The following GSE1 variants were observed in gnomAD, a reference collection of about 807,000 sequenced individuals.
GSE1 encodes genetic suppressor element 1.
Under a neutral mutation model 112.6 loss-of-function variants are expected in GSE1, and 32 were observed. That is an observed-to-expected ratio of 0.28 (90% CI 0.21 to 0.38). The LOEUF is 0.38. GSE1 is among the 10% of genes least tolerant of loss of function. The pLI is 1.00. For synonymous variants in GSE1, 1,115 were observed against 735.6 expected, an observed-to-expected ratio of 1.52 and a Z score of -8.35; for missense variants, 2,348 against 1,699.2, an observed-to-expected ratio of 1.38 and a Z score of -6.71.
intron 2 of GSE1, among the ~76,000 whole-genome samples, chr16:85,638,855 G>T (rs796138151): frequency 6.6e-6 from 1 of 151,756 alleles, no homozygotes; most frequent in Non-Finnish European, 1.5e-5. Context: ...GTGTGGGTCC[G>T]CCATGGCTTC....
rs187810737 is a variant in GSE1, at chr16:85,472,416, G to T, written c.2464+114773G>T. 2.0e-5 allele frequency among the ~76,000 whole-genome samples: 3 copies of T among 152,086 alleles called. No homozygotes were observed. The South Asian group carries it at 6.2e-4, about 32-fold the overall frequency. On this transcript the variant is annotated intron_variant, in intron 2 of 2. Coordinates refer to the GSE1 transcript ENST00000637419. ...CGTGGTCCCTGCCTTCTCCTCCCGC[G>T]GCCTTCTTTCTGAGTGTCTGTCTTT...
chr16:85,456,310 G>A (rs1458883021), intron 2 of GSE1, among the ~76,000 whole-genome samples: 10 of 152,218 alleles, frequency 6.6e-5, no homozygotes, highest in Non-Finnish European at 1.2e-4. Flanking sequence ...GGGAGAGAGA[G>A]AGGGCATTCC....
rs1170540647 is a variant in GSE1, at chr16:85,404,292, C to G, written c.2464+46649C>G. On this transcript the variant is annotated intron_variant, in intron 2 of 2. Transcript: ENST00000637419. ...CCCCCAGATAATTCTCACTGTTACA[C>G]TCAGGCCCCCCGGATAATCCTCACT... 2.3e-5 allele frequency among the ~76,000 whole-genome samples: 2 copies of G among 86,600 alleles called. 1 individual carries two copies. The highest frequency in any genetic ancestry group is 1.9e-4 in the Admixed American group (2 of 10,508). The allele number at this position is 86,600 out of a possible 152,430, so 56.8% of individuals were successfully genotyped here. A position where few individuals can be genotyped will look rare whatever the true frequency, so the allele number is the denominator to read the frequency against.
At chr16:85,665,930 G>A (rs2052815265) in intron 12 of GSE1, 46 bp from the exon 13 acceptor site, 9 of 1,598,282 alleles carry the variant, frequency 5.6e-6, no homozygotes, top group African/African-American at 4.0e-5. Context: ...CACTCAGCCT[G>A]TTAACTTGCA....
intron 2 of GSE1, among the ~76,000 whole-genome samples, chr16:85,454,692 G>A (rs577327210): frequency 2.0e-5 from 3 of 152,350 alleles, no homozygotes; most frequent in South Asian, 4.1e-4. Flanking sequence ...CCTCCCAGCT[G>A]CTGGCGGTGC....
chr16:85,256,138 C>T (rs1030303619), intron 1 of GSE1, among the ~76,000 whole-genome samples: 8 of 149,802 alleles, frequency 5.3e-5, no homozygotes, highest in African/African-American at 1.5e-4. Context: ...TTAAATCATG[C>T]GGTGGGGAGG....
At chr16:85,312,207 G>A (rs982116833) in intron 1 of GSE1, among the ~76,000 whole-genome samples, 2 of 150,204 alleles carry the variant, frequency 1.3e-5, no homozygotes, top group Non-Finnish European at 3.0e-5. Flanking sequence ...CCTCTTGCGG[G>A]GGGGGGGGGG....
intron 2 of GSE1, among the ~76,000 whole-genome samples, chr16:85,488,101 T>C (rs1850637242): frequency 6.6e-6 from 1 of 152,162 alleles, no homozygotes; most frequent in Admixed American, 6.5e-5. Context: ...TGCAGGGCCA[T>C]GCTTCCCTCT....
chr16:85,171,828 C>G (rs1238558294), intron 1 of GSE1: 1 of 976,050 alleles, frequency 1.0e-6, no homozygotes, highest in Non-Finnish European at 1.2e-6. Flanking sequence ...GTTTTCATCT[C>G]ATCTTAGACG....
chr16:85,527,671 G>T (rs1489604336), intron 2 of GSE1, among the ~76,000 whole-genome samples: 1 of 152,274 alleles, frequency 6.6e-6, no homozygotes, highest in Admixed American at 6.5e-5. Context: ...AGCCCTGGCA[G>T]GGGAATGTGG....
chr16:85,606,811 A>C (rs2047722127), upstream of GSE1, among the ~76,000 whole-genome samples: 1 of 152,184 alleles, frequency 6.6e-6, no homozygotes, highest in South Asian at 2.1e-4. Flanking sequence ...GGCAAGGGGT[A>C]TGTGTGGGGG....
Position 85,644,307 on chromosome 16 carries a change from C to G in GSE1, c.227-4245C>G, listed in dbSNP as rs955499896. On this transcript the variant is annotated intron_variant, in intron 2 of 15. Transcript: ENST00000253458. The stretch of plus-strand genomic sequence containing the variant: ...TGAGCTGTGATTGCACCACTGCACT[C>G]CAGCCCAGCCTGGGCAGCAGAGTGA... Among the ~76,000 whole-genome samples, 3 of 151,142 alleles carry G rather than the reference C, an allele frequency of 2.0e-5. No homozygotes were observed. The East Asian group carries it at 5.8e-4, about 29-fold the overall frequency.
At chr16:85,271,620 G>T (rs1260516983) in intron 1 of GSE1, among the ~76,000 whole-genome samples, 1 of 152,238 alleles carries the variant, frequency 6.6e-6, no homozygotes, top group Admixed American at 6.5e-5. Flanking sequence ...TGTACTGAGA[G>T]TCAGAGGCAG....
At chr16:85,626,620 CAG>C (rs753992694) in intron 1 of GSE1, among the ~76,000 whole-genome samples, 6 of 152,130 alleles carry the variant, frequency 3.9e-5, no homozygotes, top group African/African-American at 1.2e-4. Context: ...GGGGGGCTGT[CAG>C]GGGGAAGGGG....
At chr16:85,571,053 C>G (rs2045960940) in intron 1 of GSE1, among the ~76,000 whole-genome samples, 1 of 152,188 alleles carries the variant, frequency 6.6e-6, no homozygotes, top group Admixed American at 6.5e-5. Flanking sequence ...TGGTTTTTAT[C>G]TCAGCATGCC....
intron 1 of GSE1, among the ~76,000 whole-genome samples, 153 bp from the exon 2 acceptor site, chr16:85,633,761 T>A (rs1221901994): frequency 6.6e-6 from 1 of 152,158 alleles, no homozygotes; most frequent in Non-Finnish European, 1.5e-5. Context: ...TCTGCAGCGC[T>A]GGCTCTGTCC....
intron 1 of GSE1, among the ~76,000 whole-genome samples, chr16:85,567,765 C>T (rs976771021): frequency 8.5e-5 from 13 of 152,172 alleles, no homozygotes; most frequent in South Asian, 4.1e-4. Context: ...CTCTGTTGCT[C>T]GGGCTGGAGT....
chr16:85,309,789 G>T (rs1329287048), intron 1 of GSE1, among the ~76,000 whole-genome samples: 2 of 152,262 alleles, frequency 1.3e-5, no homozygotes, highest in Admixed American at 6.5e-5. Context: ...CCGGCTGGCG[G>T]CCTGGGGTTG....
At chr16:85,239,689 T>G (rs1265915989) in intron 1 of GSE1, among the ~76,000 whole-genome samples, 2 of 152,148 alleles carry the variant, frequency 1.3e-5, no homozygotes, top group Non-Finnish European at 2.9e-5. Context: ...CTCTTCCGGG[T>G]AACTCCATAC....
Sources: allele counts gnomAD v4.1 joint callset (sites outside exome capture counted in the v4.1 genomes callset), GRCh38; gene constraint gnomAD v4.1.1; transcripts MANE v1.5; gene names NCBI Gene and HGNC (gene_info 2026-07-23, HGNC 2026-07-21).